TRPC7: variants seen among roughly 807,000 people sequenced by gnomAD.
TRPC7 encodes the protein transient receptor potential cation channel subfamily C member 7, also known as short transient receptor potential channel 7.
TRPC7 carries 42 observed loss-of-function variants against 90.1 expected under a neutral mutation model. The ratio of observed to expected loss-of-function variants is 0.47; its 90% CI spans 0.36 to 0.60. The LOEUF (loss-of-function observed/expected upper bound fraction) is 0.60, where lower values mean the gene tolerates loss of function less well. TRPC7 is among the 20% of genes least tolerant of loss of function. The probability of loss-of-function intolerance (pLI) is 0.00; values close to 1 mark genes in which losing one functional copy is unlikely to be tolerated. For missense variants in TRPC7, 955 were observed against 1,112.3 expected (o/e 0.86, Z 2.01); for synonymous variants, 451 against 436.3 (o/e 1.03, Z -0.42).
intron 10 of TRPC7, among the ~76,000 whole-genome samples, chr5:136,221,197 T>C (rs1350862668): frequency 6.6e-6 from 1 of 152,110 alleles, no homozygotes; most frequent in Non-Finnish European, 1.5e-5. Context: ...TTTCACTTCA[T>C]GGAGATAATA....
intron 7 of TRPC7, among the ~76,000 whole-genome samples, chr5:136,244,153 T>C (rs1341473071): frequency 3.7e-5 from 5 of 134,742 alleles, no homozygotes; most frequent in Admixed American, 2.3e-4. Context: ...CTCCCCTCCC[T>C]TCCCTCCCTC....
chr5:136,283,611 A>T (rs956806718), intron 3 of TRPC7, among the ~76,000 whole-genome samples: 1 of 152,168 alleles, frequency 6.6e-6, no homozygotes, highest in Admixed American at 6.5e-5. Flanking sequence ...CCTGAATGAG[A>T]TCCTTAGCTC....
At chr5:136,259,156 C>T (rs1394217070) in intron 5 of TRPC7, among the ~76,000 whole-genome samples, 1 of 152,204 alleles carries the variant, frequency 6.6e-6, no homozygotes, top group Non-Finnish European at 1.5e-5. Flanking sequence ...TTAATAAATG[C>T]TAAGTCTTCA....
At chr5:136,229,811 G>C (rs1755759678) in intron 8 of TRPC7, among the ~76,000 whole-genome samples, 1 of 152,154 alleles carries the variant, frequency 6.6e-6, no homozygotes, top group Non-Finnish European at 1.5e-5. Flanking sequence ...TATAATTTAA[G>C]GACAGAGGTG....
intron 2 of TRPC7, among the ~76,000 whole-genome samples, chr5:136,349,636 A>G (rs1260691248): frequency 1.3e-5 from 2 of 152,206 alleles, no homozygotes; most frequent in African/African-American, 2.4e-5. Flanking sequence ...ACTTAATACT[A>G]TATGTGCCAG....
At chr5:136,302,464 C>T (rs1758435443) in intron 3 of TRPC7, among the ~76,000 whole-genome samples, 1 of 152,134 alleles carries the variant, frequency 6.6e-6, no homozygotes. Context: ...TGCCCCGACC[C>T]CTTTCCCACT....
At chr5:136,280,608 G>T (rs1757518801) in intron 3 of TRPC7, among the ~76,000 whole-genome samples, 1 of 152,098 alleles carries the variant, frequency 6.6e-6, no homozygotes, top group Non-Finnish European at 1.5e-5. Flanking sequence ...AGGAAGAGGG[G>T]ATAAAAGCTA....
chr5:136,265,766 A>G (rs969103684), intron 5 of TRPC7, among the ~76,000 whole-genome samples: 1 of 152,148 alleles, frequency 6.6e-6, no homozygotes, highest in Non-Finnish European at 1.5e-5. Flanking sequence ...TACTCCCGTG[A>G]ATTTTTAGAT....
intron 7 of TRPC7, among the ~76,000 whole-genome samples, chr5:136,238,723 T>A (rs1224233992): frequency 1.3e-5 from 2 of 152,188 alleles, no homozygotes; most frequent in Non-Finnish European, 2.9e-5. Flanking sequence ...ATTTTCTGTG[T>A]GTTGTCAGGT....
At chr5:136,301,907 A>C (rs918378966) in intron 3 of TRPC7, among the ~76,000 whole-genome samples, 6 of 152,190 alleles carry the variant, frequency 3.9e-5, no homozygotes, top group Non-Finnish European at 5.9e-5. Flanking sequence ...TCTTTGCTCC[A>C]TGAGAAAGAT....
rs372427444 is a variant in TRPC7 at position 136,357,217 on chromosome 5, C to T, written c.171G>A (p.Pro57=). The T allele has an allele frequency of 1.6e-5, 26 of 1,613,854 alleles. No individual in the cohort carries two copies. The highest frequency in any genetic ancestry group is 3.3e-4 in the Middle Eastern group (2 of 6,084). Residue 57 remains proline, a synonymous_variant, in exon 2 of 12, where the codon CCG becomes CCA. Coordinates refer to ENST00000513104, the MANE Select transcript of TRPC7 (RefSeq NM_020389.3). ...ACTCCTCCAGCATTTTCCGGACCAC[C>T]GGGATGTTGCCATACTCAGCCGAGT... is the stretch of plus-strand genomic sequence containing the variant. The part of the protein sequence containing the change: ...FLDSAEYGNI[P]VVRKMLEESK...
intron 1 of TRPC7, among the ~76,000 whole-genome samples, chr5:136,361,535 G>A (rs960927965): frequency 1.3e-5 from 2 of 152,186 alleles, no homozygotes; most frequent in African/African-American, 4.8e-5. Flanking sequence ...CTGCAGATGA[G>A]CATGGCCATA....
chr5:136,219,432 C>A (rs1755379399), intron 10 of TRPC7, among the ~76,000 whole-genome samples: 1 of 152,218 alleles, frequency 6.6e-6, no homozygotes, highest in Non-Finnish European at 1.5e-5. Context: ...GTGACAGGGA[C>A]CTTCAGGGAG....
At chr5:136,364,547 T>C (rs946560902) in intron 1 of TRPC7, among the ~76,000 whole-genome samples, 1 of 152,152 alleles carries the variant, frequency 6.6e-6, no homozygotes, top group Non-Finnish European at 1.5e-5. Flanking sequence ...GGGTCAATCA[T>C]TATTGCCTTT....
intron 1 of TRPC7, among the ~76,000 whole-genome samples, chr5:136,362,652 A>G (rs1760605158): frequency 6.6e-6 from 1 of 152,172 alleles, no homozygotes; most frequent in South Asian, 2.1e-4. Flanking sequence ...ACAATGTGTC[A>G]GTGGTGGACT....
At chr5:136,244,575 A>T (rs1756276363) in intron 7 of TRPC7, among the ~76,000 whole-genome samples, 1 of 152,206 alleles carries the variant, frequency 6.6e-6, no homozygotes, top group African/African-American at 2.4e-5. Flanking sequence ...TAATGAGCAA[A>T]CAACCTTTGC....
chr5:136,227,107 C>T (rs1189904189), intron 8 of TRPC7, among the ~76,000 whole-genome samples: 1 of 151,990 alleles, frequency 6.6e-6, no homozygotes, highest in Admixed American at 6.5e-5. Flanking sequence ...GGAGGTGATC[C>T]AGTTGTGTTC....
chr5:136,274,788 T>C lies in TRPC7; in HGVS notation c.1013A>G (p.Glu338Gly). ...CTGTTGACGTAAGCCTGAGAGATTTTCATACCACATGGTAAGCAATTGCTG... is the reference window on the plus strand; with the variant it reads ...CTGTTGACGTAAGCCTGAGAGATTTCCATACCACATGGTAAGCAATTGCTG... ...CQQQLLTMWY[E>G]NLSGLRQQSI... Residue 338 changes from glutamate (E) to glycine (G), a missense_variant, in exon 4 of 12, where the codon GAA becomes GGA. Physicochemically the swap from Glu to Gly is moderately conservative, Grantham distance 98. Coordinates refer to ENST00000513104, the MANE Select transcript of TRPC7 (RefSeq NM_020389.3). 6.3e-7 allele frequency: 1 copy of C among 1,595,252 alleles called. No individual in the cohort carries two copies. Among genetic ancestry groups the C allele is most frequent in the Non-Finnish European group, 8.5e-7 (1 of 1,170,500 alleles).
intron 1 of TRPC7, among the ~76,000 whole-genome samples, chr5:136,364,393 A>T (rs1760660819): frequency 6.6e-6 from 1 of 152,180 alleles, no homozygotes; most frequent in South Asian, 2.1e-4. Flanking sequence ...GATCTTGGAG[A>T]TTGGGTTTGC....
Sources: allele counts gnomAD v4.1 joint callset (sites outside exome capture counted in the v4.1 genomes callset), GRCh38; gene constraint gnomAD v4.1.1; transcripts MANE v1.5; gene names NCBI Gene and HGNC (gene_info 2026-07-23, HGNC 2026-07-21).